The following CADM2 variants were observed in gnomAD, a reference collection of about 807,000 sequenced individuals.
CADM2 encodes cell adhesion molecule 2, also known as immunoglobulin superfamily member 4D.
A neutral mutation model predicts 49.8 loss-of-function variants in CADM2; 12 were observed. The ratio of observed to expected loss-of-function variants is 0.24; its 90% CI spans 0.15 to 0.39. CADM2 has a LOEUF of 0.39. Among genes scored for constraint, CADM2 ranks in the 10% least tolerant of loss-of-function variants. The pLI is 1.00. For synonymous variants in CADM2, 214 were observed against 175.4 expected (o/e 1.22, Z -1.74); for missense variants, 378 against 492.3 (o/e 0.77, Z 2.20).
intron 1 of CADM2, among the ~76,000 whole-genome samples, chr3:85,454,155 G>A (rs2037881878): frequency 6.6e-6 from 1 of 152,012 alleles, no homozygotes. Context: ...AGGAGTTCAA[G>A]ACTAGCCTGG....
intron 3 of CADM2, among the ~76,000 whole-genome samples, chr3:85,868,695 C>G (rs1046677721): frequency 3.9e-4 from 60 of 152,230 alleles, no homozygotes; most frequent in Admixed American, 5.9e-4. Context: ...ACTAATATGC[C>G]TTCAATTCTG....
chr3:85,074,191 T>A (rs890067511), intron 1 of CADM2, among the ~76,000 whole-genome samples: 1 of 152,074 alleles, frequency 6.6e-6, no homozygotes, highest in African/African-American at 2.4e-5. Flanking sequence ...TTACTCTGCC[T>A]TAAACCCTCC....
intron 1 of CADM2, among the ~76,000 whole-genome samples, chr3:85,414,976 G>A (rs1011970874): frequency 1.8e-4 from 27 of 152,220 alleles, no homozygotes; most frequent in African/African-American, 6.3e-4. Context: ...GTTTAAAAAA[G>A]TAAATCACGC....
At chr3:85,290,285 C>T (rs895843959) in intron 1 of CADM2, among the ~76,000 whole-genome samples, 1 of 152,130 alleles carries the variant, frequency 6.6e-6, no homozygotes, top group Non-Finnish European at 1.5e-5. Flanking sequence ...CTCGGAGGGT[C>T]CTACGCCCAC....
intron 1 of CADM2, among the ~76,000 whole-genome samples, chr3:85,478,919 G>T (rs1424593589): frequency 6.6e-6 from 1 of 151,846 alleles, no homozygotes; most frequent in African/African-American, 2.4e-5. Flanking sequence ...ACTTCCATAA[G>T]TTATGAAGTT....
intron 1 of CADM2, among the ~76,000 whole-genome samples, chr3:85,335,964 C>A (rs1195156338): frequency 2.0e-5 from 3 of 151,392 alleles, no homozygotes; most frequent in Non-Finnish European, 4.4e-5. Flanking sequence ...GTATTCATTA[C>A]TTTTTGAGTA....
At chr3:85,064,794 TGA>T in intron 1 of CADM2, among the ~76,000 whole-genome samples, 1 of 152,124 alleles carries the variant, frequency 6.6e-6, no homozygotes, top group African/African-American at 2.4e-5. Flanking sequence ...GAATAATAGA[TGA>T]TGATTGCTTT....
intron 1 of CADM2, among the ~76,000 whole-genome samples, chr3:85,389,526 T>G (rs13092758): frequency 6.6e-6 from 1 of 152,120 alleles, no homozygotes; most frequent in East Asian, 1.9e-4. Context: ...CTGTATTCTG[T>G]GTTAAATATT....
rs540705786 is a variant in CADM2, at chr3:85,733,997, A to T, written c.88+7449A>T. ...GTCTGTAATAAGGAGAAACAGAATG[A>T]TCAATGTGTAGCAGTTAGTGGGACA... On this transcript the variant is annotated intron_variant, in intron 2 of 9. Transcript: ENST00000383699. Among the ~76,000 whole-genome samples the T allele has an allele frequency of 3.9e-4, 59 of 152,298 alleles. 1 individual carries two copies. The South Asian group carries it at 0.012, about 32-fold the overall frequency.
At chr3:85,347,414 A>G (rs575889634) in intron 1 of CADM2, among the ~76,000 whole-genome samples, 1 of 140,262 alleles carries the variant, frequency 7.1e-6, no homozygotes, top group East Asian at 2.4e-4. Flanking sequence ...TATCTACTCA[A>G]ACGAATGCAT....
intron 8 of CADM2, among the ~76,000 whole-genome samples, chr3:86,020,225 T>C (rs2107025394): frequency 6.6e-6 from 1 of 151,902 alleles, no homozygotes; most frequent in Admixed American, 6.6e-5. Context: ...GCAAATAAAC[T>C]AGAAAATCTA....
chr3:85,655,459 C>A (rs897419234), intron 1 of CADM2, among the ~76,000 whole-genome samples: 6 of 151,864 alleles, frequency 4.0e-5, no homozygotes, highest in African/African-American at 1.5e-4. Flanking sequence ...ATGCCCAGCC[C>A]CGCTTGGTAA....
chr3:85,912,720 G>A (rs1717782308), intron 6 of CADM2, among the ~76,000 whole-genome samples, 177 bp downstream of exon 6: 1 of 152,140 alleles, frequency 6.6e-6, no homozygotes, highest in Non-Finnish European at 1.5e-5. Flanking sequence ...CTCCTTGTCT[G>A]AGTTTCATTC....
rs550673494 is a variant in CADM2, at chr3:85,116,833, TCTTAC to T, written c.61+157170_61+157174del. On this transcript the variant is annotated intron_variant, in intron 1 of 9. Transcript: ENST00000383699. ...GTTAAATGGTATAAAAAAATCATGT[TCTTAC>T]CTTAGGACATTTTTCTGGTGTATGG... Among the ~76,000 whole-genome samples, 83 of 152,270 alleles carry T rather than the reference TCTTAC, an allele frequency of 5.5e-4. 1 individual carries two copies. The highest frequency in any genetic ancestry group is 5.9e-5 in the Non-Finnish European group (4 of 68,020).
chr3:85,126,054 A>T (rs1365145745), intron 1 of CADM2, among the ~76,000 whole-genome samples: 2 of 152,146 alleles, frequency 1.3e-5, no homozygotes, highest in African/African-American at 2.4e-5. Context: ...CATTACTATG[A>T]TCTATAATTA....
At chr3:85,481,973 T>C (rs2039232882) in intron 1 of CADM2, among the ~76,000 whole-genome samples, 1 of 151,704 alleles carries the variant, frequency 6.6e-6, no homozygotes, top group Admixed American at 6.6e-5. Flanking sequence ...AATGGGACAG[T>C]GTATGCTGTT....
At chr3:85,876,876 A>T (rs1048821541) in intron 3 of CADM2, among the ~76,000 whole-genome samples, 2 of 152,168 alleles carry the variant, frequency 1.3e-5, no homozygotes, top group Non-Finnish European at 2.9e-5. Context: ...AGAAATGGGC[A>T]TAAAATGTGT....
intron 2 of CADM2, among the ~76,000 whole-genome samples, chr3:85,759,362 G>A (rs1364280450): frequency 6.6e-6 from 1 of 151,974 alleles, no homozygotes; most frequent in Non-Finnish European, 1.5e-5. Context: ...ACACGAATAT[G>A]GTCTACTATA....
intron 8 of CADM2, among the ~76,000 whole-genome samples, chr3:86,064,230 G>A (rs1224247477): frequency 3.3e-5 from 5 of 151,640 alleles, no homozygotes; most frequent in South Asian, 4.2e-4. Context: ...GACAGGCCCC[G>A]GTGTGTGATG....
Sources: allele counts gnomAD v4.1 joint callset (sites outside exome capture counted in the v4.1 genomes callset), GRCh38; gene constraint gnomAD v4.1.1; transcripts MANE v1.5; gene names NCBI Gene and HGNC (gene_info 2026-07-23, HGNC 2026-07-21).